HUWE1: variants seen among roughly 807,000 people sequenced by gnomAD.
The protein encoded by HUWE1 is E3 ubiquitin-protein ligase HUWE1.
In HUWE1, 18 loss-of-function variants were observed where a neutral mutation model predicts 299.4. That is an observed-to-expected ratio of 0.06 (90% CI 0.04 to 0.09). The LOEUF is 0.09. Among genes scored for constraint, HUWE1 ranks in the 10% least tolerant of loss-of-function variants. The pLI is 1.00. For synonymous variants in HUWE1, 1,317 were observed against 1,286.1 expected (o/e 1.02, Z -0.51); for missense variants, 1,832 against 3,462.3 (o/e 0.53, Z 11.82).
chrX:53,666,351 T>C (rs1235483188), intron 3 of HUWE1, among the ~76,000 whole-genome samples: 1 of 111,684 alleles, frequency 9.0e-6, no homozygotes, highest in Non-Finnish European at 1.9e-5. Flanking sequence ...TTAATAAAAA[T>C]AGAGGGGAGG....
intron 3 of HUWE1, among the ~76,000 whole-genome samples, chrX:53,658,189 G>A (rs2068840738): frequency 9.0e-6 from 1 of 110,916 alleles, no homozygotes; most frequent in South Asian, 3.8e-4. Flanking sequence ...GTCTATACAA[G>A]GAAGACTATA....
chrX:53,558,981 G>A lies in HUWE1; in HGVS notation c.7995C>T (p.Asp2665=). Residue 2665 remains aspartate, a synonymous_variant, in exon 58 of 84, where the codon GAC becomes GAT. Transcript: ENST00000262854. ...CAAGCTGCCACGCACCTGAAACACA[G>A]TCATGCATGCTCTCAGCATCGAGAA... ...CKVLDAESMH[D]CVSVVKVSIV... The A allele has an allele frequency of 8.4e-7, 1 of 1,188,097 alleles. No individual in the cohort carries two copies. Among genetic ancestry groups the A allele is most frequent in the Non-Finnish European group, 1.1e-6 (1 of 882,330 alleles).
chrX:53,656,938 G>C (rs2068776136), intron 3 of HUWE1, among the ~76,000 whole-genome samples: 1 of 110,235 alleles, frequency 9.1e-6, no homozygotes, highest in Non-Finnish European at 1.9e-5. Flanking sequence ...AAACAATTCA[G>C]TCAAGGAAAG....
chrX:53,621,927 C>T (rs1221743000), intron 19 of HUWE1, among the ~76,000 whole-genome samples: 2 of 111,844 alleles, frequency 1.8e-5, no homozygotes, highest in South Asian at 3.7e-4. Flanking sequence ...CAAACAGACC[C>T]GAACAGATAA....
intron 22 of HUWE1, among the ~76,000 whole-genome samples, chrX:53,615,453 C>G (rs1557006478): frequency 9.0e-6 from 1 of 111,018 alleles, no homozygotes. Flanking sequence ...GTCTCAAACT[C>G]CTGGCCTCAA....
At position 53,634,277 on chromosome X, in the gene HUWE1, C is replaced by T; in HGVS notation, c.526G>A (p.Gly176Ser). The T allele has an allele frequency of 8.3e-7, 1 of 1,208,236 alleles. No individual in the cohort carries two copies. The highest frequency in any genetic ancestry group is 3.0e-5 in the East Asian group (1 of 33,852). ...CTGCAACATTCTGCAAGTCCAAAGCCATTCTCCTTTCCACCCCAGCTCTTG... is the reference window on the plus strand; with the variant it reads ...CTGCAACATTCTGCAAGTCCAAAGCTATTCTCCTTTCCACCCCAGCTCTTG... ...LAESWGGKEN[G>S]FGLAECCRDL... is the part of the protein sequence containing the mutation. The change falls in exon 8 of 84, where the codon GGC becomes AGC. Residue 176 changes from glycine to serine, a missense_variant. Physicochemically the swap from Gly to Ser is moderately conservative, Grantham distance 56. Coordinates refer to ENST00000262854, the MANE Select transcript of HUWE1 (RefSeq NM_031407.7).
rs1450790577 is a variant in HUWE1, at chrX:53,554,387, T to A, written c.8494+246A>T. ...TTTTTAAATAATAAGCCTGGGGTGA[T>A]AGCCCAGAAACAGAGTAATTGCCTC... On this transcript the variant is annotated intron_variant, in intron 61 of 83. Coordinates refer to ENST00000262854, the MANE Select transcript of HUWE1 (RefSeq NM_031407.7). Among the ~76,000 whole-genome samples, 10 of 110,614 alleles carry A rather than the reference T, an allele frequency of 9.0e-5. No homozygotes were observed. In the Admixed American group the frequency reaches 9.7e-4, roughly 11 times the overall value.
At chrX:53,562,313 C>G in intron 53 of HUWE1, 69 bp from the exon 54 acceptor site, 1 of 1,152,481 alleles carries the variant, frequency 8.7e-7, no homozygotes. Flanking sequence ...TGCAGGCCAG[C>G]AGGCTGAGTG....
chrX:53,665,508 T>G (rs2069207311), intron 3 of HUWE1, among the ~76,000 whole-genome samples: 1 of 111,757 alleles, frequency 8.9e-6, no homozygotes, highest in South Asian at 3.7e-4. Flanking sequence ...AACGTGAGAA[T>G]AGTATCTGAG....
Position 53,591,069 on chromosome X carries a change from G to A in HUWE1, c.4026C>T (p.Thr1342=). 8.3e-7 allele frequency: 1 copy of A among 1,209,946 alleles called. No individual in the cohort carries two copies. Among genetic ancestry groups the A allele is most frequent in the Non-Finnish European group, 1.1e-6 (1 of 894,284 alleles). The change falls in exon 34 of 84, where the codon ACC becomes ACT. Residue 1342 remains threonine (T), a synonymous_variant. Transcript: ENST00000262854. ...ACTCTGTGGCCTGCTCCATGGTGCT[G>A]GTGTTCAACAGTGCCTCCATTGCAT... ...REHAMEALLN[T]STMEQATEYL...
Position 53,533,365 on chromosome X carries a change from G to A in HUWE1, c.13069C>T (p.Arg4357Cys), listed in dbSNP as rs2060851157. 2 of 1,206,317 alleles carry A rather than the reference G, an allele frequency of 1.7e-6. No homozygotes were observed. The highest frequency in any genetic ancestry group is 2.2e-5 in the Admixed American group (1 of 45,591). Reference protein sequence around the residue: ...LPAYESFEKLRHMLLLAIQEC... With the variant: ...LPAYESFEKLCHMLLLAIQEC... ...TGGATAGCCAACAGTAGCATGTGGC[G>A]GAGCTTCTCAAAGCTCTCATAGGCA... is the stretch of plus-strand genomic sequence containing the variant. Residue 4357 changes from arginine to cysteine, a missense_variant, in exon 84 of 84, where the codon CGC becomes TGC. Arg to Cys is a radical substitution (Grantham distance 180). This residue lies in a region of HUWE1 where 129 missense variants were observed against 439.4 expected (regional missense o/e 0.29). Transcript: ENST00000262854.
chrX:53,596,898 T>C (rs1279316053), intron 29 of HUWE1, among the ~76,000 whole-genome samples: 4 of 112,445 alleles, frequency 3.6e-5, no homozygotes, highest in Admixed American at 9.4e-5. Flanking sequence ...GTAAAGACCA[T>C]TGTAAAACAA....
At chrX:53,648,109 T>C in intron 5 of HUWE1, 103 bp downstream of exon 5, 1 of 570,347 alleles carries the variant, frequency 1.8e-6, no homozygotes, top group Non-Finnish European at 3.1e-6. Context: ...TATTAATTGC[T>C]GAATGAGGCT....
chrX:53,593,000 G>A (rs369577), intron 32 of HUWE1, among the ~76,000 whole-genome samples: 1 of 111,931 alleles, frequency 8.9e-6, no homozygotes, highest in Admixed American at 9.4e-5. Context: ...TTAACCTTCC[G>A]CCATGACTGT....
At chrX:53,674,058 A>C (rs1490526856) in intron 3 of HUWE1, among the ~76,000 whole-genome samples, 3 of 111,813 alleles carry the variant, frequency 2.7e-5, no homozygotes, top group Non-Finnish European at 5.6e-5. Context: ...TATACCTTTT[A>C]CGATGACTTG....
At chrX:53,665,953 G>A (rs1472574002) in intron 3 of HUWE1, among the ~76,000 whole-genome samples, 1 of 110,916 alleles carries the variant, frequency 9.0e-6, no homozygotes, top group African/African-American at 3.3e-5. Flanking sequence ...GAGTTTTCCC[G>A]AGACCAGCCT....
In HUWE1 at chrX:53,581,908, TGTTA is replaced by T. The variant is rs1415774200; in HGVS notation, c.5521-886_5521-883del. Among the ~76,000 whole-genome samples the T allele has an allele frequency of 7.2e-5, 8 of 111,836 alleles. No individual in the cohort carries two copies. The Admixed American group carries it at 7.6e-4, about 11-fold the overall frequency. ...TATATATGCATCTTGGTATACTTGA[TGTTA>T]GTTATCAGATAAATTCTTAGCCATA... On this transcript the variant is annotated intron_variant, in intron 42 of 83. Coordinates refer to ENST00000262854, the MANE Select transcript of HUWE1 (RefSeq NM_031407.7).
At chrX:53,562,013 A>C (rs1556941606) in intron 54 of HUWE1, 89 bp from the exon 55 acceptor site, 1 of 1,208,895 alleles carries the variant, frequency 8.3e-7, no homozygotes, top group African/African-American at 1.8e-5. Flanking sequence ...TGAGGGAGGG[A>C]GACGCTGAGG....
chrX:53,603,770 G>C (rs1355543814), intron 26 of HUWE1, among the ~76,000 whole-genome samples: 1 of 111,810 alleles, frequency 8.9e-6, no homozygotes, highest in African/African-American at 3.3e-5. Flanking sequence ...CTTTTTTTCT[G>C]AATCAAAGAA....
Sources: gnomAD v4.1 joint callset for allele counts (sites outside exome capture counted in the v4.1 genomes callset) on GRCh38, gnomAD v4.1.1 for gene constraint, gnomAD v4.1.1 regional missense constraint, MANE v1.5 for transcripts, NCBI Gene and HGNC (gene_info 2026-07-23, HGNC 2026-07-21) for gene names.